The following MGST1 variants were observed in gnomAD, a reference collection of about 807,000 sequenced individuals.
MGST1 encodes the protein microsomal glutathione S-transferase 1, also known as glutathione S-transferase 12.
A neutral mutation model predicts 8.9 loss-of-function variants in MGST1; 5 were observed. That is an observed-to-expected ratio of 0.56 (90% confidence interval 0.29 to 1.19). The LOEUF is 1.19. Among genes scored for constraint, MGST1 ranks in the 50% most tolerant of loss-of-function variants. The pLI is 0.08. For synonymous variants in MGST1, 54 were observed against 67.8 expected, an observed-to-expected ratio of 0.80 and a Z score of 1.00; for missense variants, 182 against 187.4, an observed-to-expected ratio of 0.97 and a Z score of 0.17.
In MGST1 at chr12:16,585,147, T is replaced by G. The variant is rs1211720697; in HGVS notation, n.483-4381T>G. ...ATGGCTTCCCCCTTTGGGTGGCGCATGCAAGCCCCAGTTCACAACGTTATT... is the reference window on the plus strand; with the variant it reads ...ATGGCTTCCCCCTTTGGGTGGCGCAGGCAAGCCCCAGTTCACAACGTTATT... On this transcript the variant is annotated intron_variant and non_coding_transcript_variant, in intron 4 of 4. Coordinates refer to the MGST1 transcript ENST00000538857. This position sits in a 1 kb window ranked among gnomAD's most constrained non-coding sequence, Gnocchi z 4.7. Among the ~76,000 whole-genome samples the G allele has an allele frequency of 2.0e-5, 3 of 152,308 alleles. No homozygotes were observed. Among genetic ancestry groups the G allele is most frequent in the Non-Finnish European group, 2.9e-5 (2 of 68,034 alleles).
chr12:16,479,106 A>G (rs1206349866), intron 4 of MGST1, among the ~76,000 whole-genome samples: 1 of 152,020 alleles, frequency 6.6e-6, no homozygotes, highest in Admixed American at 6.6e-5. Context: ...AGGTTCATCT[A>G]CAGTATAGTA....
rs1342928268 is a variant in MGST1, at chr12:16,586,940, G to A, written n.483-2588G>A. On this transcript the variant is annotated intron_variant and non_coding_transcript_variant, in intron 4 of 4. Coordinates refer to the MGST1 transcript ENST00000538857. The surrounding 1 kb of genome is among the most constrained non-coding windows in gnomAD (Gnocchi z 4.3). Reference sequence around the variant, plus strand: ...CCTCTAATAATAGAGTCATGTGATAGCTTAAAAACACATGCTTTATCATCA... The same window carrying A: ...CCTCTAATAATAGAGTCATGTGATAACTTAAAAACACATGCTTTATCATCA... 6.6e-6 allele frequency among the ~76,000 whole-genome samples: 1 copy of A among 152,130 alleles called. No homozygotes were observed. Among genetic ancestry groups the A allele is most frequent in the Non-Finnish European group, 1.5e-5 (1 of 68,026 alleles).
intron 1 of MGST1, among the ~76,000 whole-genome samples, chr12:16,396,602 A>G (rs766776750): frequency 3.2e-4 from 49 of 152,190 alleles, no homozygotes; most frequent in Non-Finnish European, 5.6e-4. Flanking sequence ...AGGACACAAA[A>G]TTAATATACA....
intron 4 of MGST1, among the ~76,000 whole-genome samples, chr12:16,581,270 G>C (rs1046304869): frequency 6.6e-6 from 1 of 152,134 alleles, no homozygotes; most frequent in African/African-American, 2.4e-5. Context: ...CAGTCACACT[G>C]TCTGGATTTG....
intron 4 of MGST1, among the ~76,000 whole-genome samples, chr12:16,575,889 T>C (rs1269204088): frequency 1.3e-5 from 2 of 152,136 alleles, no homozygotes; most frequent in African/African-American, 4.8e-5. Context: ...TTCTGCAGAC[T>C]ACATTACCCT....
chr12:16,446,478 A>AGATTTTTTTTGG (rs1193798694), intron 4 of MGST1, among the ~76,000 whole-genome samples: 7 of 151,890 alleles, frequency 4.6e-5, no homozygotes, highest in African/African-American at 1.7e-4. Context: ...TGGTTATATA[A>AGATTTTTTTTGG]TTTAAGAGAT....
chr12:16,573,361 T>C (rs1942885238), intron 4 of MGST1: 2 of 152,222 alleles, frequency 1.3e-5, no homozygotes, highest in Admixed American at 1.3e-4. Context: ...ACTGGAATCA[T>C]TTGACAGCTG....
chr12:16,380,802 A>C (rs1046648084), downstream of MGST1, among the ~76,000 whole-genome samples: 2 of 152,138 alleles, frequency 1.3e-5, no homozygotes, highest in African/African-American at 4.8e-5. Context: ...GTCACTGATG[A>C]CTTGCTTTAT....
chr12:16,398,255 TG>T (rs1940623315), intron 1 of MGST1, among the ~76,000 whole-genome samples: 1 of 152,128 alleles, frequency 6.6e-6, no homozygotes, highest in Admixed American at 6.6e-5. Context: ...GTGGGACAGG[TG>T]GGTGCAGAGA....
At chr12:16,422,691 T>A (rs1263781742) in intron 1 of MGST1, among the ~76,000 whole-genome samples, 1 of 152,196 alleles carries the variant, frequency 6.6e-6, no homozygotes, top group African/African-American at 2.4e-5. Flanking sequence ...ACAGCTTTAA[T>A]CTGTTAGGTC....
chr12:16,424,165 G>A (rs762284236), intron 1 of MGST1, among the ~76,000 whole-genome samples: 17 of 152,162 alleles, frequency 1.1e-4, no homozygotes, highest in South Asian at 2.1e-4. Context: ...AATAAATGCT[G>A]CATTAAATTT....
At chr12:16,436,510 T>C (rs1358425803) in intron 1 of MGST1, among the ~76,000 whole-genome samples, 4 of 151,340 alleles carry the variant, frequency 2.6e-5, no homozygotes, top group African/African-American at 9.7e-5. Flanking sequence ...TGGCACTCAA[T>C]AGAAACTCAA....
chr12:16,464,910 T>C (rs904524667), intron 4 of MGST1, among the ~76,000 whole-genome samples: 6 of 152,240 alleles, frequency 3.9e-5, no homozygotes, highest in African/African-American at 1.2e-4. Flanking sequence ...CCCATCTGAC[T>C]GCTTTCTATT....
At chr12:16,372,141 A>C (rs187590537) in intron 3 of MGST1, among the ~76,000 whole-genome samples, 72 of 152,240 alleles carry the variant, frequency 4.7e-4, no homozygotes, top group African/African-American at 1.5e-3. Flanking sequence ...TTCTTGACTA[A>C]AGCCTCAAAA....
intron 4 of MGST1, among the ~76,000 whole-genome samples, chr12:16,543,879 A>G (rs1031595591): frequency 1.1e-4 from 16 of 152,080 alleles, no homozygotes; most frequent in Admixed American, 3.3e-4. Flanking sequence ...ACTAAAATAT[A>G]GTCTTGTCAA....
At chr12:16,404,999 C>G (rs1940687554) in intron 1 of MGST1, among the ~76,000 whole-genome samples, 1 of 152,004 alleles carries the variant, frequency 6.6e-6, no homozygotes, top group African/African-American at 2.4e-5. Context: ...AAAGATACAA[C>G]CTACCATAAT....
At chr12:16,372,217 C>T (rs374677600) in intron 3 of MGST1, among the ~76,000 whole-genome samples, 16 of 151,766 alleles carry the variant, frequency 1.1e-4, no homozygotes, top group East Asian at 7.8e-4. Context: ...TCTCCACAGC[C>T]GAGGAAACAA....
At chr12:16,405,051 A>G (rs1296099723) in intron 1 of MGST1, among the ~76,000 whole-genome samples, 1 of 152,234 alleles carries the variant, frequency 6.6e-6, no homozygotes, top group Non-Finnish European at 1.5e-5. Context: ...GGAAGTTTAT[A>G]TTAATAGAAC....
chr12:16,421,858 C>T (rs776558374), intron 1 of MGST1, among the ~76,000 whole-genome samples: 12 of 152,166 alleles, frequency 7.9e-5, no homozygotes, highest in Non-Finnish European at 1.6e-4. Context: ...TTCCAGACTA[C>T]AGGGGTCCAA....
Sources: allele counts gnomAD v4.1 joint callset (sites outside exome capture counted in the v4.1 genomes callset), GRCh38; gene constraint gnomAD v4.1.1; non-coding constraint Gnocchi (gnomAD v3.1); transcripts MANE v1.5; gene names NCBI Gene and HGNC (gene_info 2026-07-23, HGNC 2026-07-21).